Variants in ILDR1 observed in about 807,000 individuals in gnomAD.
ILDR1 encodes immunoglobulin like domain containing receptor 1.
ILDR1 carries 56 observed loss-of-function variants against 62.4 expected under a neutral mutation model. That is an observed-to-expected ratio of 0.90 (90% CI 0.72 to 1.12). The LOEUF (loss-of-function observed/expected upper bound fraction) is 1.12. ILDR1 is among the 50% of genes most tolerant of loss of function. The pLI, the probability that ILDR1 is intolerant of heterozygous loss-of-function variation, is 0.00. For synonymous variants in ILDR1, 284 were observed against 277.8 expected (o/e 1.02, Z -0.22); for missense variants, 736 against 710.6 (o/e 1.04, Z -0.41).
At chr3:121,993,087 C>G in intron 7 of ILDR1, 63 bp downstream of exon 7, 1 of 1,334,998 alleles carries the variant, frequency 7.5e-7, no homozygotes, top group Non-Finnish European at 1.1e-6. Flanking sequence ...TGGCTGTGGT[C>G]ATGCCTGGCT....
At chr3:122,021,630 T>C (rs780262283) in intron 1 of ILDR1, among the ~76,000 whole-genome samples, 28 of 152,164 alleles carry the variant, frequency 1.8e-4, no homozygotes, top group South Asian at 4.1e-4. Context: ...AGAAATGAAA[T>C]ATATGCACTT....
rs746465123 is a variant in ILDR1, at chr3:122,019,076, A to T, written c.58+2944T>A. ...TGTGATGTTAAAAAAAATTCACTAA[A>T]GCAGAAATGACACACATCCTTTTAG... On this transcript the variant is annotated intron_variant, in intron 1 of 7. Coordinates refer to ENST00000344209, the MANE Select transcript of ILDR1 (RefSeq NM_001199799.2). 4.9e-4 allele frequency among the ~76,000 whole-genome samples: 75 copies of T among 152,194 alleles called. 1 individual carries two copies. Among genetic ancestry groups the T allele is most frequent in the Non-Finnish European group, 1.2e-4 (8 of 68,044 alleles).
At chr3:122,017,538 C>T (rs968600620) in intron 1 of ILDR1, among the ~76,000 whole-genome samples, 11 of 152,180 alleles carry the variant, frequency 7.2e-5, no homozygotes, top group Admixed American at 2.6e-4. Flanking sequence ...AGGAAGCAGA[C>T]ACCTGTTTCT....
rs146544603 is a variant in ILDR1, at chr3:121,995,853, G to A, written c.647-1540C>T. On this transcript the variant is annotated intron_variant, in intron 5 of 7. Coordinates refer to ENST00000344209, the MANE Select transcript of ILDR1 (RefSeq NM_001199799.2). ...ATCCAATGAGGAAGCTGGGCTCAGA[G>A]AGATTACCTTCCCAGCCTAAGGTCC... 2.0e-5 allele frequency among the ~76,000 whole-genome samples: 3 copies of A among 152,342 alleles called. No homozygotes were observed. The East Asian group carries it at 5.8e-4, about 29-fold the overall frequency.
chr3:122,013,015 A>G (rs1439798606), intron 1 of ILDR1, among the ~76,000 whole-genome samples: 1 of 152,146 alleles, frequency 6.6e-6, no homozygotes, highest in African/African-American at 2.4e-5. Flanking sequence ...GGAAGGAGAG[A>G]AGGGGAAGGG....
the ILDR1 span, among the ~76,000 whole-genome samples, chr3:122,041,460 G>A: frequency 2.0e-5 from 3 of 152,200 alleles, no homozygotes; most frequent in Non-Finnish European, 2.9e-5. Context: ...CCCAGCATGT[G>A]AAGCCATGAG....
the ILDR1 span, among the ~76,000 whole-genome samples, chr3:122,036,147 A>C: frequency 6.6e-6 from 1 of 152,238 alleles, no homozygotes; most frequent in Non-Finnish European, 1.5e-5. Context: ...AGATCTGTGA[A>C]ATTTTGAACT....
At chr3:122,022,734 T>C (rs1316167872), upstream of ILDR1, among the ~76,000 whole-genome samples, 1 of 152,052 alleles carries the variant, frequency 6.6e-6, no homozygotes, top group Non-Finnish European at 1.5e-5. Context: ...CTGGCCTACA[T>C]GGCGAAACCC....
chr3:121,994,212 A>C lies in ILDR1; in HGVS notation c.748T>G (p.Ser250Ala). Residue 250 changes from serine to alanine, a missense_variant, in exon 6 of 8, where the codon TCT (serine) becomes GCT (alanine). By Grantham distance (99) the Ser-to-Ala change is moderately conservative (BLOSUM62 1). Coordinates refer to ENST00000344209, the MANE Select transcript of ILDR1 (RefSeq NM_001199799.2). ...WGADRSSQVS[S>A]YPMHPLLQRD... ...TGCAGCAGCGGGTGCATTGGATAAG[A>C]TGAAACCTGGGAGCTCCTGTCCGCC... The C allele has an allele frequency of 6.5e-7, 1 of 1,536,090 alleles. No individual in the cohort carries two copies. The highest frequency in any genetic ancestry group is 8.7e-7 in the Non-Finnish European group (1 of 1,146,898).
chr3:122,042,177 T>C, the ILDR1 span, among the ~76,000 whole-genome samples: 1 of 89,200 alleles, frequency 1.1e-5, no homozygotes, highest in East Asian at 3.0e-4. Context: ...TTTGGTTTTT[T>C]GTTCTTGCGA....
At chr3:122,040,429 A>T in the ILDR1 span, among the ~76,000 whole-genome samples, 1 of 151,668 alleles carries the variant, frequency 6.6e-6, no homozygotes, top group Non-Finnish European at 1.5e-5. Flanking sequence ...AATTTAAAAA[A>T]TGTCTTAATG....
At position 122,001,767 on chromosome 3, in the gene ILDR1, C is replaced by T. The variant is rs1225789673; in HGVS notation, c.477G>A (p.Lys159=). Residue 159 remains lysine, a synonymous_variant, in exon 4 of 8, where the codon AAG becomes AAA. Coordinates refer to ENST00000344209, the MANE Select transcript of ILDR1 (RefSeq NM_001199799.2). ...TACGTAGGACGATGAGCTTTACTTC[C>T]TTATCGGGGTCTCCTGATGTGTCCC... ...APGDTSGDPD[K]EVKLIVLHWL... The T allele has an allele frequency of 1.9e-6, 3 of 1,613,064 alleles. No homozygotes were observed. Among genetic ancestry groups the T allele is most frequent in the Non-Finnish European group, 2.5e-6 (3 of 1,179,902 alleles).
chr3:122,012,491 T>C (rs2071718749), intron 1 of ILDR1, among the ~76,000 whole-genome samples: 2 of 152,210 alleles, frequency 1.3e-5, no homozygotes, highest in Non-Finnish European at 2.9e-5. Context: ...TGAATGGTAA[T>C]GTAATATAAA....
the ILDR1 span, among the ~76,000 whole-genome samples, chr3:122,049,701 T>C: frequency 6.6e-6 from 1 of 152,208 alleles, no homozygotes; most frequent in South Asian, 2.1e-4. Flanking sequence ...AATTCATGGG[T>C]TGAAACTTAA....
At chr3:122,008,724 G>C (rs1473108591) in intron 1 of ILDR1, among the ~76,000 whole-genome samples, 1 of 151,340 alleles carries the variant, frequency 6.6e-6, no homozygotes, top group African/African-American at 2.4e-5. Context: ...CTCCCAAGTA[G>C]CTGGGATCAC....
the ILDR1 span, among the ~76,000 whole-genome samples, chr3:122,046,950 C>T: frequency 2.1e-5 from 3 of 143,876 alleles, no homozygotes; most frequent in African/African-American, 5.2e-5. Flanking sequence ...AGCTTTGTTC[C>T]GTTGCTGGTG....
chr3:122,012,352 C>T (rs1211814328), intron 1 of ILDR1, among the ~76,000 whole-genome samples: 3 of 152,084 alleles, frequency 2.0e-5, no homozygotes, highest in Non-Finnish European at 4.4e-5. Flanking sequence ...TTCCTTTATC[C>T]TGTGGAATTT....
the ILDR1 span, among the ~76,000 whole-genome samples, chr3:122,028,558 T>C: frequency 6.6e-6 from 1 of 152,124 alleles, no homozygotes; most frequent in Admixed American, 6.6e-5. Flanking sequence ...GGCAAAAAAG[T>C]TATAATTGGA....
Position 121,987,909 on chromosome 3 carries a change from T to C in ILDR1, c.*458A>G, listed in dbSNP as rs1444277796. The C allele has an allele frequency of 4.1e-6, 1 of 246,154 alleles. No homozygotes were observed. Among genetic ancestry groups the C allele is most frequent in the African/African-American group, 2.3e-5 (1 of 43,756 alleles). 15.2% of individuals were successfully genotyped at this position (246,154 alleles called of 1,614,324 possible). A position where few individuals can be genotyped will look rare whatever the true frequency, so the allele number is the denominator to read the frequency against. ...ACTCTAACTTTTTTGTTTTTTGGCC[T>C]TTTGGGTTTTTTAGTAATGGGGACT... On this transcript the variant is annotated 3_prime_UTR_variant, in exon 8 of 8. Transcript: ENST00000344209.
Sources: allele counts gnomAD v4.1 joint callset (sites outside exome capture counted in the v4.1 genomes callset), GRCh38; gene constraint gnomAD v4.1.1; transcripts MANE v1.5; gene names NCBI Gene and HGNC (gene_info 2026-07-23, HGNC 2026-07-21).